The following SFXN4 variants were observed in gnomAD, a reference collection of about 807,000 sequenced individuals.
The protein encoded by SFXN4 is sideroflexin 4, also known as sideroflexin-4.
Under a neutral mutation model 54.6 loss-of-function variants are expected in SFXN4, and 48 were observed. The ratio of observed to expected loss-of-function variants is 0.88; its 90% confidence interval spans 0.70 to 1.12. SFXN4 has a LOEUF of 1.12. Among genes scored for constraint, SFXN4 ranks in the 50% most tolerant of loss-of-function variants. The pLI, the probability that SFXN4 is intolerant of heterozygous loss-of-function variation, is 0.00. For synonymous variants in SFXN4, 130 were observed against 145.5 expected (o/e 0.89, Z 0.77); for missense variants, 383 against 409.2 (o/e 0.94, Z 0.55).
At chr10:119,152,408 T>C (rs1373050819) in intron 11 of SFXN4, among the ~76,000 whole-genome samples, 1 of 151,948 alleles carries the variant, frequency 6.6e-6, no homozygotes, top group East Asian at 1.9e-4. Flanking sequence ...GCCTCCCGAG[T>C]AGCTGGGATT....
At chr10:119,141,522 T>TA (rs1846523858) in intron 13 of SFXN4, among the ~76,000 whole-genome samples, 3 of 149,208 alleles carry the variant, frequency 2.0e-5, no homozygotes, top group Non-Finnish European at 4.5e-5. Context: ...TTTTTTTTTT[T>TA]TTTTTTGAGA....
At chr10:119,159,781 C>T in intron 5 of SFXN4, 28 bp from the exon 6 acceptor site, 8 of 1,613,934 alleles carry the variant, frequency 5.0e-6, no homozygotes, top group Non-Finnish European at 5.9e-6. Flanking sequence ...GAGGAGGTGT[C>T]AGTGATCACA....
At chr10:119,155,373 G>A (rs978181514) in intron 10 of SFXN4, among the ~76,000 whole-genome samples, 196 bp from the exon 11 acceptor site, 1 of 152,220 alleles carries the variant, frequency 6.6e-6, no homozygotes, top group Non-Finnish European at 1.5e-5. Context: ...GCTAAGAACT[G>A]CTGGCCACTC....
intron 3 of SFXN4, 69 bp downstream of exon 3, chr10:119,162,271 C>A: frequency 7.8e-7 from 1 of 1,275,602 alleles, no homozygotes; most frequent in Non-Finnish European, 1.1e-6. Context: ...CCAAATTCCA[C>A]CTGACTTCAG....
intron 5 of SFXN4, among the ~76,000 whole-genome samples, chr10:119,159,970 A>T (rs1847452314): frequency 6.6e-6 from 1 of 152,214 alleles, no homozygotes; most frequent in Admixed American, 6.5e-5. Flanking sequence ...TGAGGCCAGG[A>T]GTTCGAGACC....
At chr10:119,152,266 T>TC (rs1589634291) in intron 11 of SFXN4, among the ~76,000 whole-genome samples, 1 of 151,098 alleles carries the variant, frequency 6.6e-6, no homozygotes, top group East Asian at 2.0e-4. Flanking sequence ...GCAAATGCAG[T>TC]CCCAGGTGGT....
chr10:119,157,782 A>C, intron 8 of SFXN4, 49 bp from the exon 9 acceptor site: 3 of 1,604,798 alleles, frequency 1.9e-6, no homozygotes, highest in Non-Finnish European at 2.6e-6. Flanking sequence ...AGTTTTATCC[A>C]GCAAAGATAA....
At position 119,164,187 on chromosome 10, in the gene SFXN4, G is replaced by A. The variant is rs1448275340; in HGVS notation, c.121C>T (p.Arg41Ter). The change falls in exon 2 of 14, where the codon CGA (arginine) becomes TGA (stop). Residue 41 changes from arginine (R) to a stop codon, truncating the protein, a stop_gained. Coordinates refer to ENST00000355697, the MANE Select transcript of SFXN4 (RefSeq NM_213649.2). LOFTEE classifies it high-confidence loss of function. Reference sequence around the variant, plus strand: ...AATTCTGTCCATTGAAGAAATCGTCGAATAAAGGACTTAGGAGGGAGAAAA... The same window carrying A: ...AATTCTGTCCATTGAAGAAATCGTCAAATAAAGGACTTAGGAGGGAGAAAA... ...FWITERQSFI[R>*]RFLQWTELLD... 2.1e-5 allele frequency: 34 copies of A among 1,587,560 alleles called. No homozygotes were observed. The highest frequency in any genetic ancestry group is 3.5e-5 in the Admixed American group (2 of 57,238).
At position 119,164,200 on chromosome 10, in the gene SFXN4, AGGAG is replaced by A; in HGVS notation, c.112-8_112-5del. 6.4e-7 allele frequency: 1 copy of A among 1,569,220 alleles called. No individual in the cohort carries two copies. On this transcript the variant is annotated splice_polypyrimidine_tract_variant and splice_region_variant and intron_variant, in intron 1 of 13. Transcript: ENST00000355697. ...GAAGAAATCGTCGAATAAAGGACTT[AGGAG>A]GGAGAAAAGCAACAGAGAGGTTAAT...
chr10:119,145,709 T>C (rs1362898733), intron 13 of SFXN4, among the ~76,000 whole-genome samples: 1 of 152,210 alleles, frequency 6.6e-6, no homozygotes, highest in Non-Finnish European at 1.5e-5. Flanking sequence ...ATGGTATTGG[T>C]AAGCCTTCCG....
At chr10:119,162,166 C>T in intron 3 of SFXN4, 174 bp downstream of exon 3, 1 of 595,764 alleles carries the variant, frequency 1.7e-6, no homozygotes, top group Non-Finnish European at 3.0e-6. Flanking sequence ...GTCCTCTGGG[C>T]AGTATATAAC....
intron 13 of SFXN4, among the ~76,000 whole-genome samples, chr10:119,144,231 C>T (rs975034464): frequency 2.0e-5 from 3 of 152,160 alleles, no homozygotes; most frequent in Non-Finnish European, 2.9e-5. Flanking sequence ...CCGAGGCGGG[C>T]GGATCACGAG....
chr10:119,141,552 G>A (rs955925593), intron 13 of SFXN4, among the ~76,000 whole-genome samples: 22 of 133,572 alleles, frequency 1.6e-4, no homozygotes, highest in Non-Finnish European at 2.9e-4. Context: ...GCTCTGTTGC[G>A]CAGGCTGGAG....
At position 119,157,679 on chromosome 10, in the gene SFXN4, T is replaced by C. The variant is rs1847326783; in HGVS notation, c.526A>G (p.Thr176Ala). The change falls in exon 9 of 14, where the codon ACT becomes GCT. Residue 176 changes from threonine (T) to alanine (A), a missense_variant. Thr to Ala is a moderately conservative substitution (Grantham distance 58). Coordinates refer to ENST00000355697, the MANE Select transcript of SFXN4 (RefSeq NM_213649.2). The part of the protein sequence containing the change: ...LLMAGAVASS[T>A]FLGVIPQFVQ... ...CTAAAAATACCTACTCCTAAGAAAG[T>C]TGAAGAAGCAACGGCTCCCGCCATT... is the stretch of plus-strand genomic sequence containing the variant. 6 of 1,603,744 alleles carry C rather than the reference T, an allele frequency of 3.7e-6. No individual in the cohort carries two copies. Among genetic ancestry groups the C allele is most frequent in the East Asian group, 4.5e-5 (2 of 44,756 alleles).
intron 11 of SFXN4, among the ~76,000 whole-genome samples, chr10:119,150,369 G>A (rs1847013935): frequency 6.6e-6 from 1 of 152,040 alleles, no homozygotes; most frequent in Admixed American, 6.6e-5. Flanking sequence ...GGAGGTGCTG[G>A]GAACAACTTG....
chr10:119,151,849 C>T (rs1284290952), intron 11 of SFXN4, among the ~76,000 whole-genome samples: 2 of 152,024 alleles, frequency 1.3e-5, no homozygotes, highest in African/African-American at 4.8e-5. Flanking sequence ...GGGTCTCTTT[C>T]TGTCACCTAG....
chr10:119,156,522 G>A (rs896955334), intron 10 of SFXN4, among the ~76,000 whole-genome samples, 156 bp downstream of exon 10: 3 of 152,180 alleles, frequency 2.0e-5, no homozygotes, highest in Admixed American at 2.0e-4. Context: ...TCAAACCAAA[G>A]ACCTGATTTG....
Position 119,165,665 on chromosome 10 carries a change from G to GGCC in SFXN4, c.-21_-19dup, listed in dbSNP as rs1380996968. 2.6e-6 allele frequency: 4 copies of GGCC among 1,541,018 alleles called. No individual in the cohort carries two copies. Among genetic ancestry groups the GGCC allele is most frequent in the Non-Finnish European group, 3.5e-6 (4 of 1,149,560 alleles). ...AGGGACATTTTGCGCTGGTTAGAGT[G>GGCC]GCCGCCGCCGCCAGGCCGCGCGTGG... On this transcript the variant is annotated 5_prime_UTR_variant, in exon 1 of 14. Coordinates refer to ENST00000355697, the MANE Select transcript of SFXN4 (RefSeq NM_213649.2).
At chr10:119,158,615 CAAAAAAAAAAAA>C (rs35982987) in intron 6 of SFXN4, among the ~76,000 whole-genome samples, 4 of 65,714 alleles carry the variant, frequency 6.1e-5, no homozygotes, top group Non-Finnish European at 7.9e-5. Flanking sequence ...GACTCCGTCT[CAAAAAAAAAAAA>C]AAAAAAAAAA....
Sources: allele counts gnomAD v4.1 joint callset (sites outside exome capture counted in the v4.1 genomes callset), GRCh38; gene constraint gnomAD v4.1.1; transcripts MANE v1.5; gene names NCBI Gene and HGNC (gene_info 2026-07-23, HGNC 2026-07-21).